The following CELF4 variants were observed in gnomAD, a reference collection of about 807,000 sequenced individuals.
The protein encoded by CELF4 is CUGBP Elav-like family member 4.
CELF4 carries 18 observed loss-of-function variants against 59.9 expected under a neutral mutation model. The observed-to-expected ratio is 0.30, with a 90% CI of 0.21 to 0.45. The LOEUF (loss-of-function observed/expected upper bound fraction) is 0.45, where lower values mean the gene tolerates loss of function less well. Among genes scored for constraint, CELF4 ranks in the 20% least tolerant of loss-of-function variants. The pLI is 1.00. For missense variants in CELF4, 456 were observed against 689.0 expected (o/e 0.66, Z 3.79); for synonymous variants, 261 against 267.1 (o/e 0.98, Z 0.22).
At chr18:37,352,385 G>A (rs114319688) in intron 2 of CELF4, among the ~76,000 whole-genome samples, 2,165 of 152,242 alleles carry the variant, frequency 0.014, 48 homozygotes, top group African/African-American at 0.05. Flanking sequence ...GCTGATGCCT[G>A]TAATCTCGAC....
intron 2 of CELF4, among the ~76,000 whole-genome samples, chr18:37,445,907 C>T (rs181273754): frequency 6.6e-6 from 1 of 152,176 alleles, no homozygotes; most frequent in South Asian, 2.1e-4. Flanking sequence ...TATCATCTAC[C>T]CTTTGAGTAT....
At chr18:37,521,341 A>G (rs1188370719) in intron 1 of CELF4, among the ~76,000 whole-genome samples, 3 of 151,844 alleles carry the variant, frequency 2.0e-5, no homozygotes, top group African/African-American at 7.3e-5. Context: ...CCAGCCCTCC[A>G]CCCCAAGTCC....
At chr18:37,348,295 C>G (rs1012883764) in intron 2 of CELF4, among the ~76,000 whole-genome samples, 8 of 152,200 alleles carry the variant, frequency 5.3e-5, no homozygotes, top group African/African-American at 1.7e-4. Flanking sequence ...CACGCACACA[C>G]TAGGCCCCTG....
intron 3 of CELF4, among the ~76,000 whole-genome samples, chr18:37,314,640 G>A (rs2096796155): frequency 6.6e-6 from 1 of 152,130 alleles, no homozygotes; most frequent in South Asian, 2.1e-4. Context: ...TCTGCAGATA[G>A]CTTACTGCCA....
intron 2 of CELF4, among the ~76,000 whole-genome samples, chr18:37,365,304 C>A (rs2098761347): frequency 6.6e-6 from 1 of 151,904 alleles, no homozygotes; most frequent in Non-Finnish European, 1.5e-5. Flanking sequence ...TTGATTGAGC[C>A]CTTTCTGAAT....
At position 37,471,618 on chromosome 18, in the gene CELF4, G is replaced by A. The variant is rs182009099; in HGVS notation, c.369+13907C>T. Among the ~76,000 whole-genome samples the A allele has an allele frequency of 4.3e-4, 65 of 152,136 alleles. No individual in the cohort carries two copies. The East Asian group carries it at 4.3e-3, about 10-fold the overall frequency. Reference sequence around the variant, plus strand: ...TCAGTGAGCAGTCCTGCCTGGAAGCGCTCCCAAACCACTCCCAGCTCTAAA... The same window carrying A: ...TCAGTGAGCAGTCCTGCCTGGAAGCACTCCCAAACCACTCCCAGCTCTAAA... On this transcript the variant is annotated intron_variant, in intron 2 of 12. Coordinates refer to ENST00000420428, the MANE Select transcript of CELF4 (RefSeq NM_020180.4).
chr18:37,312,701 T>C (rs1161615766), intron 3 of CELF4, among the ~76,000 whole-genome samples: 3 of 152,122 alleles, frequency 2.0e-5, no homozygotes, highest in African/African-American at 7.2e-5. Flanking sequence ...GGAAGCTGGG[T>C]GAGAGACAGA....
intron 8 of CELF4, among the ~76,000 whole-genome samples, chr18:37,270,316 T>C (rs528564418): frequency 1.7e-4 from 26 of 152,236 alleles, no homozygotes; most frequent in Non-Finnish European, 3.1e-4. Flanking sequence ...TGGACTGGTC[T>C]GTACTAGACA....
chr18:37,526,147 G>A (rs1315379696), intron 1 of CELF4, among the ~76,000 whole-genome samples: 1 of 152,152 alleles, frequency 6.6e-6, no homozygotes, highest in Non-Finnish European at 1.5e-5. Flanking sequence ...ATGTCACATG[G>A]CCAGATGGTA....
At chr18:37,441,234 G>T (rs946507777) in intron 2 of CELF4, among the ~76,000 whole-genome samples, 1 of 151,960 alleles carries the variant, frequency 6.6e-6, no homozygotes, top group Non-Finnish European at 1.5e-5. Flanking sequence ...CCAGATGCCA[G>T]GGAGCTGGCT....
intron 1 of CELF4, among the ~76,000 whole-genome samples, chr18:37,537,526 C>T (rs1454966767): frequency 6.6e-6 from 1 of 152,168 alleles, no homozygotes; most frequent in Non-Finnish European, 1.5e-5. Flanking sequence ...GACATGGTTC[C>T]TCTGTCATGC....
chr18:37,439,680 TC>T (rs1450437854), intron 2 of CELF4, among the ~76,000 whole-genome samples: 5 of 151,908 alleles, frequency 3.3e-5, no homozygotes, highest in Non-Finnish European at 7.4e-5. Flanking sequence ...AGCTCTCCTG[TC>T]CCCCCATATC....
At chr18:37,440,899 A>G (rs2099710855) in intron 2 of CELF4, among the ~76,000 whole-genome samples, 1 of 152,190 alleles carries the variant, frequency 6.6e-6, no homozygotes, top group Non-Finnish European at 1.5e-5. Flanking sequence ...GGAGATAACA[A>G]TTCTCCCCTG....
chr18:37,523,023 C>T (rs2099959367), intron 1 of CELF4, among the ~76,000 whole-genome samples: 2 of 152,202 alleles, frequency 1.3e-5, no homozygotes, highest in Non-Finnish European at 2.9e-5. Flanking sequence ...GATCATTTCG[C>T]AGTGGAGACG....
At chr18:37,516,720 G>C (rs1425001439) in intron 1 of CELF4, among the ~76,000 whole-genome samples, 1 of 152,184 alleles carries the variant, frequency 6.6e-6, no homozygotes, top group African/African-American at 2.4e-5. Context: ...GGCAGGTCTG[G>C]CTCCAAGGCT....
chr18:37,565,078 C>T (rs897375650), intron 1 of CELF4, among the ~76,000 whole-genome samples: 2 of 152,066 alleles, frequency 1.3e-5, no homozygotes, highest in Non-Finnish European at 2.9e-5. Flanking sequence ...ATCCAAGCCC[C>T]GTCTCCTCGA....
chr18:37,499,790 T>C (rs1238323174), intron 1 of CELF4, among the ~76,000 whole-genome samples: 2 of 152,010 alleles, frequency 1.3e-5, no homozygotes, highest in Admixed American at 6.5e-5. Context: ...GTAAAGTGGG[T>C]TTGATGATCC....
At chr18:37,550,149 G>T (rs1250396606) in intron 1 of CELF4, among the ~76,000 whole-genome samples, 1 of 152,054 alleles carries the variant, frequency 6.6e-6, no homozygotes, top group East Asian at 1.9e-4. Context: ...GCTCAGCAGG[G>T]AAAGGGGCCT....
rs923678254 is a variant in CELF4, at chr18:37,492,440, G to C, written c.287-6833C>G. On this transcript the variant is annotated intron_variant, in intron 1 of 12. Coordinates refer to ENST00000420428, the MANE Select transcript of CELF4 (RefSeq NM_020180.4). ...ATAGTAGCATCTCTGGGAGTGGATCGCAAGAGGGAGGGAGGGAAAGTCCAC... is the reference window on the plus strand; with the variant it reads ...ATAGTAGCATCTCTGGGAGTGGATCCCAAGAGGGAGGGAGGGAAAGTCCAC... Among the ~76,000 whole-genome samples the C allele has an allele frequency of 2.0e-5, 3 of 152,154 alleles. No individual in the cohort carries two copies. The East Asian group carries it at 5.8e-4, about 29-fold the overall frequency.
Sources: allele counts gnomAD v4.1 joint callset (sites outside exome capture counted in the v4.1 genomes callset), GRCh38; gene constraint gnomAD v4.1.1; transcripts MANE v1.5; gene names NCBI Gene and HGNC (gene_info 2026-07-23, HGNC 2026-07-21).